The following CNTN4 variants were observed in gnomAD, a reference collection of about 807,000 sequenced individuals.
The protein encoded by CNTN4 is contactin-4.
In CNTN4, 77 loss-of-function variants were observed where a neutral mutation model predicts 122.5. That is an observed-to-expected ratio of 0.63 (90% CI 0.52 to 0.76). The LOEUF (loss-of-function observed/expected upper bound fraction) is 0.76, where lower values mean the gene tolerates loss of function less well. Ranked by LOEUF, CNTN4 falls within the 30% of genes least tolerant of loss-of-function variation. CNTN4 has a pLI of 0.00. For missense variants in CNTN4, 1,256 were observed against 1,259.1 expected, an observed-to-expected ratio of 1.00 and a Z score of 0.04; for synonymous variants, 512 against 447.0, an observed-to-expected ratio of 1.15 and a Z score of -1.83.
At chr3:2,419,386 G>A (rs944605805) in intron 3 of CNTN4, among the ~76,000 whole-genome samples, 1 of 151,718 alleles carries the variant, frequency 6.6e-6, no homozygotes, top group African/African-American at 2.4e-5. Context: ...AGGTGGGAGT[G>A]GGGAGATCTA....
intron 7 of CNTN4, among the ~76,000 whole-genome samples, chr3:2,848,807 C>T (rs941246593): frequency 1.3e-5 from 2 of 152,122 alleles, no homozygotes; most frequent in African/African-American, 4.8e-5. Flanking sequence ...CACTCTTAAA[C>T]CAATTATGGT....
At chr3:2,777,433 T>C (rs1180068936) in intron 6 of CNTN4, among the ~76,000 whole-genome samples, 2 of 152,226 alleles carry the variant, frequency 1.3e-5, no homozygotes, top group Middle Eastern at 3.2e-3. Flanking sequence ...TTTGCTCTTA[T>C]GTTTTCGACT....
intron 3 of CNTN4, among the ~76,000 whole-genome samples, chr3:2,550,042 T>G (rs35621352): frequency 0.16 from 24,984 of 152,082 alleles, 2,649 homozygotes; most frequent in Middle Eastern, 0.24. Flanking sequence ...TGTCAGTGTT[T>G]ACATCCCCTT....
intron 4 of CNTN4, among the ~76,000 whole-genome samples, chr3:2,608,465 AAAAG>A (rs1263942647): frequency 1.1e-4 from 9 of 82,404 alleles, no homozygotes; most frequent in African/African-American, 8.8e-5. Flanking sequence ...GTCTGTTTAA[AAAAG>A]AAAGAAAGAA....
intron 15 of CNTN4, 123 bp from the exon 16 acceptor site, chr3:3,030,732 G>A (rs1699092130): frequency 8.6e-7 from 1 of 1,164,138 alleles, no homozygotes; most frequent in Admixed American, 1.7e-5. Context: ...GCCATGGTTT[G>A]CATCACTAAT....
chr3:2,689,197 C>G (rs1167787008), intron 4 of CNTN4, among the ~76,000 whole-genome samples: 1 of 152,174 alleles, frequency 6.6e-6, no homozygotes, highest in Non-Finnish European at 1.5e-5. Context: ...GGAGCCAACC[C>G]AACCCCTAGC....
chr3:2,608,675 G>A (rs553708936), intron 4 of CNTN4, among the ~76,000 whole-genome samples: 105 of 151,866 alleles, frequency 6.9e-4, no homozygotes, highest in African/African-American at 2.4e-3. Flanking sequence ...TAGACATGGG[G>A]TTTCACCGTG....
At chr3:2,420,574 T>G (rs1324772182) in intron 3 of CNTN4, among the ~76,000 whole-genome samples, 1 of 152,138 alleles carries the variant, frequency 6.6e-6, no homozygotes, top group African/African-American at 2.4e-5. Flanking sequence ...TAGCTGGGAC[T>G]ACAGACATGC....
At chr3:2,509,755 C>A (rs778662701) in intron 3 of CNTN4, among the ~76,000 whole-genome samples, 5 of 152,170 alleles carry the variant, frequency 3.3e-5, no homozygotes, top group Non-Finnish European at 4.4e-5. Flanking sequence ...CTCAATGATA[C>A]ACATTTTTTC....
chr3:2,623,791 C>A (rs1254127173), intron 4 of CNTN4, among the ~76,000 whole-genome samples: 1 of 152,090 alleles, frequency 6.6e-6, no homozygotes, highest in Non-Finnish European at 1.5e-5. Flanking sequence ...AGCAGAGTGT[C>A]CCCTGACTAG....
chr3:2,685,065 T>C (rs1249549845), intron 4 of CNTN4, among the ~76,000 whole-genome samples: 2 of 152,226 alleles, frequency 1.3e-5, no homozygotes, highest in Admixed American at 6.5e-5. Context: ...GCTTTGGTCA[T>C]GTGTATACAT....
chr3:2,762,446 T>C (rs2090633776), intron 6 of CNTN4, among the ~76,000 whole-genome samples: 1 of 152,212 alleles, frequency 6.6e-6, no homozygotes. Flanking sequence ...CTTCCACTTA[T>C]AAGTAAGAAC....
intron 2 of CNTN4, among the ~76,000 whole-genome samples, chr3:2,300,448 C>T (rs1213199641): frequency 6.6e-6 from 1 of 151,822 alleles, no homozygotes; most frequent in Non-Finnish European, 1.5e-5. Flanking sequence ...AAAATTACAG[C>T]CACAGGTGGA....
chr3:2,141,408 G>C lies in CNTN4; in HGVS notation c.-145+40769G>C, dbSNP rs538517069. ...GACCATAAGCCAAGGATCAAGGTCA[G>C]TCCCTAGAAACTGGAAAAGCCAAGA... On this transcript the variant is annotated intron_variant, in intron 2 of 24. Coordinates refer to ENST00000418658, the MANE Select transcript of CNTN4 (RefSeq NM_175607.3). Among the ~76,000 whole-genome samples, 19 of 152,228 alleles carry C rather than the reference G, an allele frequency of 1.2e-4. No individual in the cohort carries two copies. The South Asian group carries it at 3.7e-3, about 30-fold the overall frequency.
chr3:2,183,831 A>G (rs544077101), intron 2 of CNTN4, among the ~76,000 whole-genome samples: 81 of 152,282 alleles, frequency 5.3e-4, no homozygotes, highest in African/African-American at 1.8e-3. Flanking sequence ...CTTTACCCCA[A>G]ATGTGTCAGA....
At position 2,210,640 on chromosome 3, in the gene CNTN4, C is replaced by G. The variant is rs150022267; in HGVS notation, c.-145+110001C>G. On this transcript the variant is annotated intron_variant, in intron 2 of 24. Transcript: ENST00000418658. ...GCTAAGACAAAACTTAAATGTTAAACCTTTCCTGGGATTTACAGTCCAATG... is the reference window on the plus strand; with the variant it reads ...GCTAAGACAAAACTTAAATGTTAAAGCTTTCCTGGGATTTACAGTCCAATG... Among the ~76,000 whole-genome samples, 7 of 152,270 alleles carry G rather than the reference C, an allele frequency of 4.6e-5. No homozygotes were observed. In the East Asian group the frequency reaches 1.4e-3, roughly 29 times the overall value.
intron 2 of CNTN4, among the ~76,000 whole-genome samples, chr3:2,177,656 T>TTG (rs60145608): frequency 0.037 from 5,435 of 147,486 alleles, 111 homozygotes; most frequent in African/African-American, 0.06. Flanking sequence ...GTGTGTGTGT[T>TTG]TGTGTGTGTG....
chr3:2,948,804 G>T (rs2094706004), intron 13 of CNTN4, among the ~76,000 whole-genome samples: 2 of 151,974 alleles, frequency 1.3e-5, no homozygotes, highest in South Asian at 4.2e-4. Context: ...ATATACTATG[G>T]TGTTTTTTAA....
At chr3:2,244,325 T>G (rs944115246) in intron 2 of CNTN4, among the ~76,000 whole-genome samples, 1 of 152,038 alleles carries the variant, frequency 6.6e-6, no homozygotes, top group African/African-American at 2.4e-5. Context: ...CACAGGTAAC[T>G]GAAGCTGTGG....
Sources: allele counts gnomAD v4.1 joint callset (sites outside exome capture counted in the v4.1 genomes callset), GRCh38; gene constraint gnomAD v4.1.1; transcripts MANE v1.5; gene names NCBI Gene and HGNC (gene_info 2026-07-23, HGNC 2026-07-21).